Variants in MMD2 observed in about 807,000 individuals in gnomAD.
MMD2 encodes monocyte to macrophage differentiation associated 2.
MMD2 carries 30 observed loss-of-function variants against 33.5 expected under a neutral mutation model. The observed-to-expected ratio is 0.90, with a 90% confidence interval of 0.67 to 1.22. The LOEUF is 1.22. MMD2 is among the 50% of genes most tolerant of loss of function. The pLI is 0.00. For missense variants in MMD2, 364 were observed against 325.4 expected (o/e 1.12, Z -0.91); for synonymous variants, 129 against 123.0 (o/e 1.05, Z -0.32).
At chr7:4,913,723 A>C (rs1785071073) in intron 4 of MMD2, among the ~76,000 whole-genome samples, 1 of 26,460 alleles carries the variant, frequency 3.8e-5, no homozygotes, top group Non-Finnish European at 6.0e-5. Flanking sequence ...TATCTCGGCA[A>C]AAAAAAAAAA....
At chr7:4,904,940 G>T (rs1211810228), downstream of MMD2, among the ~76,000 whole-genome samples, 1 of 152,226 alleles carries the variant, frequency 6.6e-6, no homozygotes, top group African/African-American at 2.4e-5. Flanking sequence ...CCCTAAGTCA[G>T]AGGAAGGCCA....
chr7:4,936,359 G>C lies in MMD2; in HGVS notation c.48-10827C>G, dbSNP rs147204510. ...TTAGAAACATAAATGCATAGAAATAGACTTGAAAGAAAACAGGGAGATTGG... is the reference window on the plus strand; with the variant it reads ...TTAGAAACATAAATGCATAGAAATACACTTGAAAGAAAACAGGGAGATTGG... On this transcript the variant is annotated intron_variant, in intron 1 of 6. Transcript: ENST00000401401. Among the ~76,000 whole-genome samples the C allele has an allele frequency of 5.6e-4, 85 of 152,090 alleles. 2 individuals are homozygous for C. In the East Asian group the frequency reaches 0.015, roughly 27 times the overall value.
chr7:4,910,766 T>C (rs1457435005), intron 5 of MMD2, among the ~76,000 whole-genome samples: 7 of 152,124 alleles, frequency 4.6e-5, no homozygotes. Context: ...GTAGTTGGGA[T>C]TACAGGCACC....
At chr7:4,911,944 G>A (rs1785025432) in intron 4 of MMD2, among the ~76,000 whole-genome samples, 1 of 151,884 alleles carries the variant, frequency 6.6e-6, no homozygotes, top group African/African-American at 2.4e-5. Flanking sequence ...ACCGCGCCCG[G>A]CCTCCAATCC....
At chr7:4,924,049 G>A (rs769255312) in intron 2 of MMD2, among the ~76,000 whole-genome samples, 10 of 152,090 alleles carry the variant, frequency 6.6e-5, no homozygotes, top group Non-Finnish European at 1.3e-4. Context: ...AAAATTAGCC[G>A]GGCTTGGTGG....
At chr7:4,930,341 C>T (rs1007411817) in intron 1 of MMD2, among the ~76,000 whole-genome samples, 1 of 140,990 alleles carries the variant, frequency 7.1e-6, no homozygotes, top group Non-Finnish European at 1.5e-5. Context: ...AGTAGGGTTC[C>T]CTAAAAAGAC....
chr7:4,913,745 A>G (rs943552655), intron 4 of MMD2, among the ~76,000 whole-genome samples: 7 of 133,884 alleles, frequency 5.2e-5, no homozygotes, highest in African/African-American at 1.7e-4. Flanking sequence ...AAAAAAAAAA[A>G]GTGGATTTTT....
chr7:4,934,135 G>T (rs546530272), intron 1 of MMD2, among the ~76,000 whole-genome samples: 2 of 151,908 alleles, frequency 1.3e-5, no homozygotes, highest in African/African-American at 2.4e-5. Context: ...TTGCCATGTT[G>T]GCCAGGCTGG....
chr7:4,912,718 T>G (rs545280922), intron 4 of MMD2, among the ~76,000 whole-genome samples: 3 of 152,168 alleles, frequency 2.0e-5, no homozygotes, highest in South Asian at 2.1e-4. Flanking sequence ...TTTTTGTTTG[T>G]TTTTTGATAT....
In MMD2 at chr7:4,940,049, T is replaced by C. The variant is rs535891708; in HGVS notation, c.48-14517A>G. On this transcript the variant is annotated intron_variant, in intron 1 of 6. Coordinates refer to ENST00000401401, the MANE Select transcript of MMD2 (RefSeq NM_198403.4). The surrounding 1 kb of genome is among the most constrained non-coding windows in gnomAD (Gnocchi z 5.0). ...GAGCCACCGCACCTGGCCCAATCTATTTCTATAAATTTCAAGAACAGGCAG... is the reference window on the plus strand; with the variant it reads ...GAGCCACCGCACCTGGCCCAATCTACTTCTATAAATTTCAAGAACAGGCAG... Among the ~76,000 whole-genome samples, 1 of 152,098 alleles carries C rather than the reference T, an allele frequency of 6.6e-6. No individual in the cohort carries two copies. The highest frequency in any genetic ancestry group is 1.9e-4 in the East Asian group (1 of 5,182).
the MMD2 span, among the ~76,000 whole-genome samples, chr7:4,896,095 C>T: frequency 6.6e-6 from 1 of 152,128 alleles, no homozygotes; most frequent in Admixed American, 6.5e-5. Context: ...CAGTTGTCAC[C>T]TGTGATCTGT....
chr7:4,897,005 A>G, the MMD2 span, among the ~76,000 whole-genome samples: 2 of 151,942 alleles, frequency 1.3e-5, no homozygotes, highest in South Asian at 2.1e-4. Flanking sequence ...GATTACAGGC[A>G]CCCACAACCA....
At chr7:4,902,908 T>G (rs1401079883), downstream of MMD2, among the ~76,000 whole-genome samples, 1 of 152,094 alleles carries the variant, frequency 6.6e-6, no homozygotes, top group African/African-American at 2.4e-5. Context: ...CAGGCATCGG[T>G]AGAAGGAAAT....
At chr7:4,952,772 G>C (rs566636842) in intron 1 of MMD2, among the ~76,000 whole-genome samples, 20 of 148,350 alleles carry the variant, frequency 1.3e-4, no homozygotes, top group African/African-American at 4.7e-4. Flanking sequence ...GATCACCGCA[G>C]CCTCCGCCTC....
At chr7:4,930,731 C>A (rs1450441815) in intron 1 of MMD2, among the ~76,000 whole-genome samples, 6 of 152,006 alleles carry the variant, frequency 3.9e-5, no homozygotes, top group Non-Finnish European at 8.8e-5. Flanking sequence ...ACGGTGGAGG[C>A]AGAGATTGTG....
intron 1 of MMD2, among the ~76,000 whole-genome samples, chr7:4,937,428 GAGAA>G (rs937263715): frequency 4.6e-5 from 7 of 151,110 alleles, no homozygotes; most frequent in African/African-American, 1.7e-4. Flanking sequence ...AAGAAAGAAA[GAGAA>G]AGAAAGAAAG....
intron 4 of MMD2, among the ~76,000 whole-genome samples, chr7:4,912,548 C>A (rs1268548527): frequency 1.7e-4 from 25 of 145,364 alleles, no homozygotes; most frequent in African/African-American, 5.4e-4. Context: ...GGCAACAGAG[C>A]AAGACTCTGT....
rs1474773046 is a variant in MMD2, at chr7:4,946,102, TGCACAC to T, written c.47+12863_47+12868del. Among the ~76,000 whole-genome samples, 4 of 149,310 alleles carry T rather than the reference TGCACAC, an allele frequency of 2.7e-5. No individual in the cohort carries two copies. Among genetic ancestry groups the T allele is most frequent in the East Asian group, 2.0e-4 (1 of 5,062 alleles). On this transcript the variant is annotated intron_variant, in intron 1 of 6. Coordinates refer to ENST00000401401, the MANE Select transcript of MMD2 (RefSeq NM_198403.4). The surrounding 1 kb of genome is among the most constrained non-coding windows in gnomAD (Gnocchi z 5.0). ...ACGCACACGCACGCACACACACGCA[TGCACAC>T]GCGCACACGCACGCACACACCTGCA...
At chr7:4,957,631 A>G (rs1337102612) in intron 1 of MMD2, among the ~76,000 whole-genome samples, 2 of 150,780 alleles carry the variant, frequency 1.3e-5, no homozygotes, top group East Asian at 3.9e-4. Flanking sequence ...CCTGGGCAAC[A>G]AGAGCGAGAC....
Sources: allele counts gnomAD v4.1 joint callset (sites outside exome capture counted in the v4.1 genomes callset), GRCh38; gene constraint gnomAD v4.1.1; non-coding constraint Gnocchi (gnomAD v3.1); transcripts MANE v1.5; gene names NCBI Gene and HGNC (gene_info 2026-07-23, HGNC 2026-07-21).